TBCD: variants seen among roughly 807,000 people sequenced by gnomAD.
TBCD encodes tubulin folding cofactor D.
In TBCD, 105 loss-of-function variants were observed where a neutral mutation model predicts 169.3. The observed-to-expected ratio is 0.62, with a 90% CI of 0.53 to 0.73. The LOEUF (loss-of-function observed/expected upper bound fraction) is 0.73. TBCD is among the 30% of genes least tolerant of loss of function. TBCD has a pLI of 0.00. For synonymous variants in TBCD, 700 were observed against 643.9 expected (o/e 1.09, Z -1.32); for missense variants, 1,444 against 1,600.1 (o/e 0.90, Z 1.66).
At chr17:82,924,732 G>A (rs1216716477) in intron 26 of TBCD, among the ~76,000 whole-genome samples, 1 of 152,260 alleles carries the variant, frequency 6.6e-6, no homozygotes, top group Non-Finnish European at 1.5e-5. Context: ...CAGCCTGGGT[G>A]ACAGAATGAG....
Position 82,923,857 on chromosome 17 carries a change from A to C in TBCD, c.2260+124A>C. 1.3e-6 allele frequency: 1 copy of C among 764,854 alleles called. No individual in the cohort carries two copies. Among genetic ancestry groups the C allele is most frequent in the Non-Finnish European group, 2.1e-6 (1 of 478,022 alleles). 47.4% of individuals were successfully genotyped at this position (764,854 alleles called of 1,614,324 possible). A position where few individuals can be genotyped will look rare whatever the true frequency, so the allele number is the denominator to read the frequency against. ...GCAGAGCCACCACGATCATGGCTGG[A>C]GTGGGACTGTTCGGGTCTCAGGTTC... On this transcript the variant is annotated intron_variant, in intron 26 of 38. Coordinates refer to ENST00000355528, the MANE Select transcript of TBCD (RefSeq NM_005993.5). This position sits in a 1 kb window ranked among gnomAD's most constrained non-coding sequence, Gnocchi z 4.6.
At chr17:82,811,045 C>T (rs2051399840) in intron 12 of TBCD, among the ~76,000 whole-genome samples, 1 of 152,208 alleles carries the variant, frequency 6.6e-6, no homozygotes, top group African/African-American at 2.4e-5. Context: ...ATGCTCTTTA[C>T]CACAACTGCT....
At position 82,920,451 on chromosome 17, in the gene TBCD, C is replaced by T; in HGVS notation, c.2039-105C>T. 3.1e-6 allele frequency: 3 copies of T among 953,700 alleles called. No individual in the cohort carries two copies. The highest frequency in any genetic ancestry group is 1.5e-5 in the South Asian group (1 of 66,796). The allele number at this position is 953,700 out of a possible 1,614,324, so 59.1% of individuals were successfully genotyped here. The stretch of plus-strand genomic sequence containing the variant: ...CAGGGTAGGTTGGGCGGGTGAGGGG[C>T]AGGAGCTGGCCGCACACAACTCAGA... On this transcript the variant is annotated intron_variant, in intron 23 of 38. Coordinates refer to ENST00000355528, the MANE Select transcript of TBCD (RefSeq NM_005993.5). This position sits in a 1 kb window ranked among gnomAD's most constrained non-coding sequence, Gnocchi z 4.1.
intron 17 of TBCD, chr17:82,896,053 A>G (rs2059453235): frequency 6.6e-6 from 1 of 152,208 alleles, no homozygotes; most frequent in Non-Finnish European, 1.5e-5. Flanking sequence ...AAGACGAGAA[A>G]AGGCCCAGGT....
At chr17:82,927,442 G>A (rs1376834436) in intron 29 of TBCD, 119 bp downstream of exon 29, 8 of 1,372,542 alleles carry the variant, frequency 5.8e-6, no homozygotes, top group African/African-American at 1.5e-5. Flanking sequence ...CGTGTTTTGC[G>A]TTTTAAAGGC....
intron 7 of TBCD, among the ~76,000 whole-genome samples, chr17:82,791,016 T>C (rs748422501): frequency 2.0e-5 from 3 of 151,964 alleles, no homozygotes; most frequent in Non-Finnish European, 2.9e-5. Context: ...GCTTGGTGGC[T>C]TGGGAGCTGC....
intron 12 of TBCD, among the ~76,000 whole-genome samples, chr17:82,813,064 C>A (rs1297285210): frequency 7.1e-6 from 1 of 141,498 alleles, no homozygotes; most frequent in African/African-American, 2.5e-5. Flanking sequence ...CTCAAGCAGT[C>A]CTCTTGCCTC....
At chr17:82,825,089 C>T (rs775673118) in intron 13 of TBCD, among the ~76,000 whole-genome samples, 16 of 152,134 alleles carry the variant, frequency 1.1e-4, no homozygotes, top group Non-Finnish European at 1.6e-4. Context: ...CAGTGTAGCT[C>T]GCCATGCATC....
chr17:82,807,522 G>GT, intron 10 of TBCD, 86 bp from the exon 11 acceptor site: 1 of 944,808 alleles, frequency 1.1e-6, no homozygotes, highest in Non-Finnish European at 1.5e-6. Context: ...TGTGCACTGA[G>GT]TAGCGTACAG....
At chr17:82,933,594 G>A (rs765220767) in intron 34 of TBCD, among the ~76,000 whole-genome samples, 4 of 150,342 alleles carry the variant, frequency 2.7e-5, no homozygotes, top group South Asian at 2.1e-4. Flanking sequence ...CGGAGACAGC[G>A]TGGTCTGTTT....
intron 13 of TBCD, among the ~76,000 whole-genome samples, chr17:82,854,102 G>C (rs984862235): frequency 2.6e-5 from 4 of 152,106 alleles, no homozygotes; most frequent in African/African-American, 9.7e-5. Flanking sequence ...CCCTGACCTC[G>C]ATCACTTTCC....
chr17:82,857,761 T>C (rs76839112), intron 13 of TBCD, among the ~76,000 whole-genome samples: 4 of 148,950 alleles, frequency 2.7e-5, no homozygotes, highest in Non-Finnish European at 4.5e-5. Context: ...TTTTTTTTTT[T>C]AATTTAATTT....
intron 22 of TBCD, 21 bp from the exon 23 acceptor site, chr17:82,911,737 G>A (rs749397118): frequency 9.9e-6 from 16 of 1,613,332 alleles, no homozygotes; most frequent in Non-Finnish European, 1.4e-5. Context: ...TTCTAATTCT[G>A]ATGTTTTCAT....
chr17:82,852,478 A>G (rs1336561364), intron 13 of TBCD, among the ~76,000 whole-genome samples: 2 of 152,140 alleles, frequency 1.3e-5, no homozygotes, highest in African/African-American at 4.8e-5. Context: ...GCTCGGCAGC[A>G]GGCTCGGTTT....
intron 13 of TBCD, among the ~76,000 whole-genome samples, chr17:82,819,020 T>G (rs1183665271): frequency 6.6e-6 from 1 of 152,000 alleles, no homozygotes; most frequent in Non-Finnish European, 1.5e-5. Context: ...ATCGCACCAC[T>G]GCACTCCAGC....
In TBCD at chr17:82,874,754, G is replaced by A. The variant is rs2057848032; in HGVS notation, c.1475+4374G>A. The stretch of plus-strand genomic sequence containing the variant: ...CTGGTGCGAGCCTCCCTGCCCAGGA[G>A]CCCTGCGCACCCGGGTATCGGTTGG... On this transcript the variant is annotated intron_variant, in intron 14 of 38. Transcript: ENST00000355528. The surrounding 1 kb of genome is among the most constrained non-coding windows in gnomAD (Gnocchi z 5.0). 6.6e-6 allele frequency among the ~76,000 whole-genome samples: 1 copy of A among 152,236 alleles called. No homozygotes were observed. Among genetic ancestry groups the A allele is most frequent in the South Asian group, 2.1e-4 (1 of 4,834 alleles).
chr17:82,865,432 G>T (rs2057099420), intron 13 of TBCD: 2 of 982,508 alleles, frequency 2.0e-6, no homozygotes, highest in African/African-American at 1.7e-5. Flanking sequence ...GGCCTGAGCA[G>T]TCGGGGAGAC....
chr17:82,937,574 C>T (rs2062735834), intron 35 of TBCD: 6 of 611,144 alleles, frequency 9.8e-6, no homozygotes, highest in Non-Finnish European at 1.7e-5. Flanking sequence ...AACAGGCGAG[C>T]TCTGCCTCTG....
intron 13 of TBCD, among the ~76,000 whole-genome samples, chr17:82,819,670 G>A (rs907805539): frequency 1.3e-5 from 2 of 152,078 alleles, no homozygotes; most frequent in Non-Finnish European, 2.9e-5. Flanking sequence ...CTCCTGCCTC[G>A]GCCTGTGGAC....
Sources: allele counts gnomAD v4.1 joint callset (sites outside exome capture counted in the v4.1 genomes callset), GRCh38; gene constraint gnomAD v4.1.1; non-coding constraint Gnocchi (gnomAD v3.1); transcripts MANE v1.5; gene names NCBI Gene and HGNC (gene_info 2026-07-23, HGNC 2026-07-21).